The following ADIPOR1 variants were observed in gnomAD, a reference collection of about 807,000 sequenced individuals.
ADIPOR1 encodes adiponectin receptor protein 1.
In ADIPOR1, 15 loss-of-function variants were observed where a neutral mutation model predicts 37.5. The observed-to-expected ratio is 0.40, with a 90% CI of 0.27 to 0.62. The LOEUF (loss-of-function observed/expected upper bound fraction) is 0.62, where lower values mean the gene tolerates loss of function less well. Ranked by LOEUF, ADIPOR1 falls within the 20% of genes least tolerant of loss-of-function variation. ADIPOR1 has a pLI of 0.42. For missense variants in ADIPOR1, 286 were observed against 478.0 expected (o/e 0.60, Z 3.75); for synonymous variants, 173 against 173.2 (o/e 1.00, Z 0.01).
chr1:202,953,735 G>A lies in ADIPOR1; in HGVS notation c.-94-2571C>T, dbSNP rs965625092. Among the ~76,000 whole-genome samples, 3 of 152,254 alleles carry A rather than the reference G, an allele frequency of 2.0e-5. No homozygotes were observed. The South Asian group carries it at 6.2e-4, about 32-fold the overall frequency. On this transcript the variant is annotated intron_variant, in intron 1 of 7. Transcript: ENST00000340990. ...TACAAGTTGAACAAGTTATAGTATT[G>A]TTTTCAAAGAGCCAGATAACATAGG... is the stretch of plus-strand genomic sequence containing the variant.
In ADIPOR1 at chr1:202,945,620, T is replaced by C. The variant is rs568425388; in HGVS notation, c.431-451A>G. Among the ~76,000 whole-genome samples, 144 of 152,312 alleles carry C rather than the reference T, an allele frequency of 9.5e-4. 1 individual carries two copies. The highest frequency in any genetic ancestry group is 1.4e-3 in the Non-Finnish European group (95 of 68,026). ...GATATGGAACCAACCTAAGTGTCCA[T>C]TGACCAATGAGTGAATAAAGGAAAT... On this transcript the variant is annotated intron_variant, in intron 4 of 7. Transcript: ENST00000340990.
chr1:202,945,250 G>A lies in ADIPOR1; in HGVS notation c.431-81C>T, dbSNP rs547132184. The A allele has an allele frequency of 8.8e-5, 113 of 1,288,234 alleles. 2 individuals carry two copies. In the South Asian group the frequency reaches 1.6e-3, roughly 18 times the overall value. 79.8% of individuals were successfully genotyped at this position (1,288,234 alleles called of 1,614,324 possible). Reference sequence around the variant, plus strand: ...TGATGGTTGATGTTTTTGAATCAGAGAGCTACAGGCAACATCACTAATCAT... The same window carrying A: ...TGATGGTTGATGTTTTTGAATCAGAAAGCTACAGGCAACATCACTAATCAT... On this transcript the variant is annotated intron_variant, in intron 4 of 7. Transcript: ENST00000340990.
At chr1:202,952,776 C>T (rs1654629913) in intron 1 of ADIPOR1, among the ~76,000 whole-genome samples, 1 of 152,160 alleles carries the variant, frequency 6.6e-6, no homozygotes, top group South Asian at 2.1e-4. Context: ...AGCCAATTCC[C>T]CGAATAAATC....
chr1:202,955,629 G>A (rs1654754439), intron 1 of ADIPOR1, among the ~76,000 whole-genome samples: 1 of 152,098 alleles, frequency 6.6e-6, no homozygotes, highest in Admixed American at 6.5e-5. Context: ...TTGCTCCCAA[G>A]TTCAGCCAGT....
At chr1:202,944,665 A>G (rs903051944) in intron 5 of ADIPOR1, 1 of 179,574 alleles carries the variant, frequency 5.6e-6, no homozygotes, top group African/African-American at 2.4e-5. Context: ...GCTAATAGTA[A>G]GTTACGCTTG....
At chr1:202,953,763 G>A (rs934272187) in intron 1 of ADIPOR1, among the ~76,000 whole-genome samples, 1 of 152,212 alleles carries the variant, frequency 6.6e-6, no homozygotes, top group Non-Finnish European at 1.5e-5. Flanking sequence ...AACATAGGTA[G>A]TTTGTGATAT....
At chr1:202,948,208 A>G in intron 3 of ADIPOR1, 96 bp downstream of exon 3, 1 of 1,009,198 alleles carries the variant, frequency 9.9e-7, no homozygotes, top group South Asian at 1.7e-5. Context: ...TCCCAGGAAT[A>G]AAAGCTCTTC....
At chr1:202,952,303 C>A (rs905955321) in intron 1 of ADIPOR1, among the ~76,000 whole-genome samples, 2 of 152,110 alleles carry the variant, frequency 1.3e-5, no homozygotes, top group African/African-American at 4.8e-5. Flanking sequence ...GCAGGGAGGG[C>A]CAGGTAACAA....
In ADIPOR1 at chr1:202,950,940, T is replaced by C. The variant is rs762980942; in HGVS notation, c.131A>G (p.Asn44Ser). ...GGGAAGATGACTTACTTTGGGTGGG[T>C]TGGCGATTACCCGTTTGCCCTTCTC... ...LEEKGKRVIA[N>S]PPKAEEEQTC... Residue 44 changes from asparagine to serine, a missense_variant, in exon 2 of 8, where the codon AAC becomes AGC. Asn to Ser is a conservative substitution (Grantham distance 46, BLOSUM62 1). Transcript: ENST00000340990. The C allele has an allele frequency of 1.4e-5, 23 of 1,614,142 alleles. No homozygotes were observed. Among genetic ancestry groups the C allele is most frequent in the Non-Finnish European group, 1.9e-5 (23 of 1,180,024 alleles).
In ADIPOR1 at chr1:202,958,240, C is replaced by T. The variant is rs944881728; in HGVS notation, c.-150G>A. ...CGGTCCCCCGCGCTACATCCCGCGG[C>T]GCTGGAGGCGGCCTGCGGCCGAGCG... On this transcript the variant is annotated 5_prime_UTR_variant, in exon 1 of 8. Coordinates refer to ENST00000340990, the MANE Select transcript of ADIPOR1 (RefSeq NM_015999.6). 2 of 151,856 alleles carry T rather than the reference C, an allele frequency of 1.3e-5. No individual in the cohort carries two copies. Among genetic ancestry groups the T allele is most frequent in the Non-Finnish European group, 2.9e-5 (2 of 68,006 alleles). 9.4% of individuals were successfully genotyped at this position (151,856 alleles called of 1,614,324 possible). A position where few individuals can be genotyped will look rare whatever the true frequency, so the allele number is the denominator to read the frequency against.
intron 5 of ADIPOR1, 43 bp downstream of exon 5, chr1:202,944,940 A>G: frequency 6.5e-7 from 1 of 1,541,370 alleles, no homozygotes; most frequent in East Asian, 2.3e-5. Context: ...TCAAGATGTG[A>G]CAACAGTGCA....
chr1:202,947,098 C>A (rs989215945), intron 3 of ADIPOR1, among the ~76,000 whole-genome samples: 2 of 151,182 alleles, frequency 1.3e-5, no homozygotes, highest in Non-Finnish European at 2.9e-5. Flanking sequence ...CCTGGGCGAC[C>A]GAGCAAGACT....
At chr1:202,942,957 C>T (rs558885464) in intron 6 of ADIPOR1, among the ~76,000 whole-genome samples, 8 of 151,424 alleles carry the variant, frequency 5.3e-5, no homozygotes, top group Non-Finnish European at 1.2e-4. Flanking sequence ...CCTCTGCCCC[C>T]GACCAGGTTC....
intron 3 of ADIPOR1, 109 bp from the exon 4 acceptor site, chr1:202,946,719 C>A: frequency 8.6e-7 from 1 of 1,165,646 alleles, no homozygotes; most frequent in East Asian, 2.5e-5. Context: ...TCTGAATGGT[C>A]CTAGGTAATA....
chr1:202,957,174 T>C (rs1438310681), intron 1 of ADIPOR1, among the ~76,000 whole-genome samples: 4 of 152,140 alleles, frequency 2.6e-5, no homozygotes, highest in Non-Finnish European at 5.9e-5. Context: ...GGAACCGAAG[T>C]TGCACCATCG....
intron 3 of ADIPOR1, among the ~76,000 whole-genome samples, chr1:202,947,199 G>T (rs1654365854): frequency 6.6e-6 from 1 of 152,004 alleles, no homozygotes; most frequent in Admixed American, 6.6e-5. Context: ...GAAGTTTTAG[G>T]TAAGTGTTTC....
intron 5 of ADIPOR1, 149 bp downstream of exon 5, chr1:202,944,834 C>T (rs1406611611): frequency 4.3e-6 from 3 of 701,036 alleles, no homozygotes; most frequent in East Asian, 2.6e-5. Flanking sequence ...GCTTCATCAC[C>T]CCACTATCGC....
In ADIPOR1 at chr1:202,950,361, C is replaced by A. The variant is rs530434959; in HGVS notation, c.141+569G>T. On this transcript the variant is annotated intron_variant, in intron 2 of 7. Coordinates refer to ENST00000340990, the MANE Select transcript of ADIPOR1 (RefSeq NM_015999.6). ...GGCTGAGGCAGGAGGATCACTTGAG[C>A]CTAGGAGTTTAAGATCAGCCTAGGC... is the stretch of plus-strand genomic sequence containing the variant. 1.2e-4 allele frequency among the ~76,000 whole-genome samples: 19 copies of A among 152,062 alleles called. No homozygotes were observed. In the South Asian group the frequency reaches 1.7e-3, roughly 13 times the overall value.
In ADIPOR1 at chr1:202,948,310, C is replaced by T. The variant is rs1341188029; in HGVS notation, c.252G>A (p.Val84=). 1 of 1,608,230 alleles carries T rather than the reference C, an allele frequency of 6.2e-7. No individual in the cohort carries two copies. The highest frequency in any genetic ancestry group is 1.3e-5 in the African/African-American group (1 of 74,978). Residue 84 remains valine, a synonymous_variant, in exon 3 of 8, where the codon GTG becomes GTA. Coordinates refer to ENST00000340990, the MANE Select transcript of ADIPOR1 (RefSeq NM_015999.6). ...AGAAGCTCATAGGCCATACCTTGTA[C>T]ACAAACTCTTCCATCTTCTCCATGG... is the stretch of plus-strand genomic sequence containing the variant. ...HHAMEKMEEF[V]YKVWEGRWRV...
Sources: allele counts gnomAD v4.1 joint callset (sites outside exome capture counted in the v4.1 genomes callset), GRCh38; gene constraint gnomAD v4.1.1; transcripts MANE v1.5; gene names NCBI Gene and HGNC (gene_info 2026-07-23, HGNC 2026-07-21).